Variants in ST3GAL3 observed in about 807,000 individuals in gnomAD.
ST3GAL3 encodes the protein ST3 beta-galactoside alpha-2,3-sialyltransferase 3.
In ST3GAL3, 21 loss-of-function variants were observed where a neutral mutation model predicts 50.1. That is an observed-to-expected ratio of 0.42 (90% confidence interval 0.30 to 0.60). The LOEUF is 0.60. Among genes scored for constraint, ST3GAL3 ranks in the 20% least tolerant of loss-of-function variants. The pLI, the probability that ST3GAL3 is intolerant of heterozygous loss-of-function variation, is 0.19. For synonymous variants in ST3GAL3, 183 were observed against 190.0 expected (o/e 0.96, Z 0.30); for missense variants, 353 against 489.4 (o/e 0.72, Z 2.63).
intron 3 of ST3GAL3, among the ~76,000 whole-genome samples, chr1:43,811,702 C>A (rs2060580385): frequency 6.6e-6 from 1 of 152,146 alleles, no homozygotes; most frequent in Non-Finnish European, 1.5e-5. Flanking sequence ...CCATTGTGTC[C>A]TCTAGACTTG....
At chr1:43,803,228 C>T (rs1055282185) in intron 3 of ST3GAL3, among the ~76,000 whole-genome samples, 18 of 152,154 alleles carry the variant, frequency 1.2e-4, no homozygotes, top group Middle Eastern at 3.4e-3. Flanking sequence ...TTAGCCTGGT[C>T]GGGTTTTGTA....
At chr1:43,860,389 C>T (rs895663346) in intron 5 of ST3GAL3, among the ~76,000 whole-genome samples, 2 of 152,202 alleles carry the variant, frequency 1.3e-5, no homozygotes, top group African/African-American at 4.8e-5. Flanking sequence ...GCCCTGTCTC[C>T]AGTGGGCCTG....
intron 4 of ST3GAL3, among the ~76,000 whole-genome samples, chr1:43,817,301 G>C (rs1457007257): frequency 6.6e-6 from 1 of 151,886 alleles, no homozygotes; most frequent in Non-Finnish European, 1.5e-5. Flanking sequence ...ATCTTGATTG[G>C]GATTCATTTA....
chr1:43,894,332 A>C, intron 5 of ST3GAL3, 51 bp from the exon 6 acceptor site: 1 of 1,577,784 alleles, frequency 6.3e-7, no homozygotes, highest in Non-Finnish European at 8.7e-7. Context: ...TGCCACCAGT[A>C]ATCCAGACTG....
chr1:43,929,449 C>T (rs746843754), intron 11 of ST3GAL3, among the ~76,000 whole-genome samples: 2 of 151,918 alleles, frequency 1.3e-5, no homozygotes, highest in African/African-American at 2.4e-5. Context: ...GGATTATAGG[C>T]GCTACCATCA....
At position 43,930,270 on chromosome 1, in the gene ST3GAL3, A is replaced by G; in HGVS notation, c.*49A>G. 1.3e-6 allele frequency: 2 copies of G among 1,557,048 alleles called. No individual in the cohort carries two copies. Among genetic ancestry groups the G allele is most frequent in the Non-Finnish European group, 1.8e-6 (2 of 1,131,360 alleles). ...AGGCCCAGGCACCACCAGGAGCAGC[A>G]GCCAGCACCACCTACACAGGAGTCT... On this transcript the variant is annotated 3_prime_UTR_variant, in exon 12 of 12. Coordinates refer to ENST00000347631, the MANE Select transcript of ST3GAL3 (RefSeq NM_006279.5).
chr1:43,923,263 CAAA>C (rs35151641), intron 11 of ST3GAL3, among the ~76,000 whole-genome samples: 74 of 120,280 alleles, frequency 6.2e-4, no homozygotes, highest in Admixed American at 8.3e-4. Context: ...GACCCTGTCT[CAAA>C]AAAAAAAAAA....
At chr1:43,864,489 G>A (rs1250584546) in intron 5 of ST3GAL3, among the ~76,000 whole-genome samples, 1 of 152,198 alleles carries the variant, frequency 6.6e-6, no homozygotes, top group Non-Finnish European at 1.5e-5. Flanking sequence ...GGAATCACAT[G>A]GAGGGAAGGA....
chr1:43,790,502 T>A (rs1160417461), intron 2 of ST3GAL3, among the ~76,000 whole-genome samples: 2 of 152,212 alleles, frequency 1.3e-5, no homozygotes, highest in Admixed American at 6.5e-5. Context: ...TAATTGCTTT[T>A]ATTGAACTCT....
At chr1:43,796,778 A>C (rs2058727035) in intron 3 of ST3GAL3, among the ~76,000 whole-genome samples, 1 of 152,236 alleles carries the variant, frequency 6.6e-6, no homozygotes. Context: ...TGCTGAGGTG[A>C]CACAGATGTT....
At chr1:43,871,829 A>T in intron 5 of ST3GAL3, among the ~76,000 whole-genome samples, 1 of 6,310 alleles carries the variant, frequency 1.6e-4, no homozygotes, top group Non-Finnish European at 2.9e-4. Flanking sequence ...CTGGGGTGTG[A>T]GGGAGAGGAG....
In ST3GAL3 at chr1:43,920,514, T is replaced by C. The variant is rs1268458499; in HGVS notation, c.855T>C (p.Ile285=). The C allele has an allele frequency of 6.2e-7, 1 of 1,613,544 alleles. No homozygotes were observed. The highest frequency in any genetic ancestry group is 8.5e-7 in the Non-Finnish European group (1 of 1,179,850). Residue 285 remains isoleucine (I), a synonymous_variant, in exon 10 of 12, where the codon ATT becomes ATC. Transcript: ENST00000347631. The part of the protein sequence containing the change: ...YFIQEAAFTL[I]GLPFNNGLMG... ...TCCAGGAGGCCGCCTTCACCCTCAT[T>C]GGCCTGCCCTTCAACAATGGCCTCA...
chr1:43,900,252 A>G (rs2078062584), intron 9 of ST3GAL3, among the ~76,000 whole-genome samples: 1 of 152,102 alleles, frequency 6.6e-6, no homozygotes, highest in Non-Finnish European at 1.5e-5. Flanking sequence ...CCAGCTCCCA[A>G]ACTTAGAAGT....
rs1677561714 is a variant in ST3GAL3 at position 43,734,614 on chromosome 1, TA to T, written c.-30-1617del. ...CGTGAGCCACTGTGCCCAGCCCACCTAACATTTTCTAATTGGTTATTGCTGG... is the reference window on the plus strand; with the variant it reads ...CGTGAGCCACTGTGCCCAGCCCACCTACATTTTCTAATTGGTTATTGCTGG... On this transcript the variant is annotated intron_variant, in intron 1 of 11. Coordinates refer to ENST00000347631, the MANE Select transcript of ST3GAL3 (RefSeq NM_006279.5). 4.6e-5 allele frequency among the ~76,000 whole-genome samples: 7 copies of T among 152,298 alleles called. No individual in the cohort carries two copies. In the South Asian group the frequency reaches 1.4e-3, roughly 32 times the overall value.
At chr1:43,910,753 G>T (rs2080668519) in intron 9 of ST3GAL3, among the ~76,000 whole-genome samples, 1 of 152,242 alleles carries the variant, frequency 6.6e-6, no homozygotes, top group Non-Finnish European at 1.5e-5. Flanking sequence ...TTGGCAAAGA[G>T]CATGGTGTAT....
rs1017722704 is a variant in ST3GAL3, at chr1:43,745,753, C to G, written c.118+9373C>G. On this transcript the variant is annotated intron_variant, in intron 2 of 11. Coordinates refer to ENST00000347631, the MANE Select transcript of ST3GAL3 (RefSeq NM_006279.5). Reference sequence around the variant, plus strand: ...AAGCAATTCTCATGCCTCAGCCTCCCGAGTAGCTGGGACTACAGGTGCATG... The same window carrying G: ...AAGCAATTCTCATGCCTCAGCCTCCGGAGTAGCTGGGACTACAGGTGCATG... Among the ~76,000 whole-genome samples the G allele has an allele frequency of 7.9e-5, 12 of 152,278 alleles. No individual in the cohort carries two copies. The East Asian group carries it at 2.3e-3, about 29-fold the overall frequency.
intron 2 of ST3GAL3, among the ~76,000 whole-genome samples, chr1:43,749,597 C>T (rs58086654): frequency 0.048 from 7,242 of 152,114 alleles, 563 homozygotes; most frequent in African/African-American, 0.16. Flanking sequence ...AAATGAACAA[C>T]AAAAAGAAAC....
chr1:43,917,636 TA>T (rs1210002794), intron 9 of ST3GAL3, among the ~76,000 whole-genome samples: 1 of 76,358 alleles, frequency 1.3e-5, no homozygotes, highest in Non-Finnish European at 2.3e-5. Context: ...ATATAATATA[TA>T]ATATAATATA....
intron 3 of ST3GAL3, among the ~76,000 whole-genome samples, chr1:43,813,229 G>A (rs921055314): frequency 2.6e-5 from 4 of 152,154 alleles, no homozygotes; most frequent in Non-Finnish European, 5.9e-5. Flanking sequence ...TGAGGAGCAC[G>A]GCATGAGAGT....
Sources: allele counts gnomAD v4.1 joint callset (sites outside exome capture counted in the v4.1 genomes callset), GRCh38; gene constraint gnomAD v4.1.1; transcripts MANE v1.5; gene names NCBI Gene and HGNC (gene_info 2026-07-23, HGNC 2026-07-21).